The following SLC36A1 variants were observed in gnomAD, a reference collection of about 807,000 sequenced individuals.
SLC36A1 encodes solute carrier family 36 member 1, also known as proton-coupled amino acid transporter 1.
SLC36A1 carries 30 observed loss-of-function variants against 47.5 expected under a neutral mutation model. The observed-to-expected ratio is 0.63, with a 90% CI of 0.47 to 0.86. SLC36A1 has a LOEUF of 0.86. Ranked by LOEUF, SLC36A1 falls within the 40% of genes least tolerant of loss-of-function variation. The probability of loss-of-function intolerance (pLI) is 0.00; values close to 1 mark genes in which losing one functional copy is unlikely to be tolerated. For missense variants in SLC36A1, 517 were observed against 606.0 expected (o/e 0.85, Z 1.54); for synonymous variants, 255 against 249.7 (o/e 1.02, Z -0.20).
chr5:151,449,356 G>A (rs59566125), intron 1 of SLC36A1, among the ~76,000 whole-genome samples: 1 of 152,024 alleles, frequency 6.6e-6, no homozygotes, highest in South Asian at 2.1e-4. Flanking sequence ...ACATGTTTTC[G>A]TTAAAAATGT....
At chr5:151,487,203 T>C (rs1268177917) in intron 10 of SLC36A1, among the ~76,000 whole-genome samples, 3 of 152,180 alleles carry the variant, frequency 2.0e-5, no homozygotes, top group African/African-American at 7.2e-5. Context: ...GTGGGGTCAG[T>C]GGGCACTAGG....
At chr5:151,535,595 A>G in the SLC36A1 span, among the ~76,000 whole-genome samples, 2 of 152,188 alleles carry the variant, frequency 1.3e-5, no homozygotes, top group African/African-American at 2.4e-5. Context: ...TTTATAATAA[A>G]CCAGTAAACA....
At chr5:151,370,420 T>G in the SLC36A1 span, among the ~76,000 whole-genome samples, 58 of 151,054 alleles carry the variant, frequency 3.8e-4, no homozygotes, top group East Asian at 0.01. Flanking sequence ...TTTTTTTTTT[T>G]GTTAGGCTCC....
the SLC36A1 span, chr5:151,504,169 TCACA>T: frequency 6.6e-6 from 1 of 152,242 alleles, no homozygotes; most frequent in Non-Finnish European, 1.5e-5. Context: ...ACACTCACAG[TCACA>T]CACACAGCCA....
chr5:151,510,194 G>A, the SLC36A1 span: 4 of 1,613,454 alleles, frequency 2.5e-6, no homozygotes, highest in African/African-American at 4.0e-5. Context: ...AAAGAAGGGA[G>A]GTGAGAGACC....
At chr5:151,410,548 C>A in the SLC36A1 span, among the ~76,000 whole-genome samples, 5 of 143,550 alleles carry the variant, frequency 3.5e-5, 1 homozygote, top group Admixed American at 2.1e-4. Context: ...CATGATATAT[C>A]ATTAAGCATG....
chr5:151,505,777 G>A, the SLC36A1 span: 1 of 1,614,086 alleles, frequency 6.2e-7, no homozygotes, highest in Non-Finnish European at 8.5e-7. Flanking sequence ...TGCCGGAACT[G>A]CGAGTGGTAG....
At chr5:151,511,477 G>A in the SLC36A1 span, 6 of 152,248 alleles carry the variant, frequency 3.9e-5, no homozygotes, top group Non-Finnish European at 7.3e-5. Context: ...CCTGGGTGTC[G>A]GGTGTGTGTG....
At chr5:151,505,179 G>A in the SLC36A1 span, 2 of 301,210 alleles carry the variant, frequency 6.6e-6, no homozygotes, top group Non-Finnish European at 1.3e-5. Context: ...GGAGCTGTGG[G>A]CAGGTATGAG....
chr5:151,516,570 T>C, the SLC36A1 span, among the ~76,000 whole-genome samples: 3 of 152,142 alleles, frequency 2.0e-5, no homozygotes, highest in Admixed American at 6.6e-5. Context: ...CCCCTCCATT[T>C]TTTCCTTTTT....
At chr5:151,494,894 G>A (rs1199079202), downstream of SLC36A1, among the ~76,000 whole-genome samples, 3 of 151,940 alleles carry the variant, frequency 2.0e-5, no homozygotes, top group African/African-American at 7.3e-5. Flanking sequence ...CGCAAGTTTT[G>A]GGCTCAAATA....
chr5:151,462,521 C>T (rs948099477), intron 2 of SLC36A1, among the ~76,000 whole-genome samples: 3 of 151,864 alleles, frequency 2.0e-5, no homozygotes, highest in South Asian at 2.1e-4. Context: ...CCTGCCACCA[C>T]GCCCAGCTAA....
rs902583062 is a variant in SLC36A1, at chr5:151,461,626, G to A, written c.144-1927G>A. ...TAAGATGTTATCTGCTTTTTCACTT[G>A]TGGATATTTGCACTTATAATGTAGA... On this transcript the variant is annotated intron_variant, in intron 2 of 10. Coordinates refer to ENST00000243389, the MANE Select transcript of SLC36A1 (RefSeq NM_078483.4). Among the ~76,000 whole-genome samples, 3 of 152,178 alleles carry A rather than the reference G, an allele frequency of 2.0e-5. No individual in the cohort carries two copies. In the East Asian group the frequency reaches 5.8e-4, roughly 29 times the overall value.
At chr5:151,417,326 T>C in the SLC36A1 span, among the ~76,000 whole-genome samples, 8 of 152,118 alleles carry the variant, frequency 5.3e-5, no homozygotes, top group Non-Finnish European at 1.0e-4. Flanking sequence ...ATACTGACAG[T>C]GATGTGGACG....
At chr5:151,551,407 C>G in the SLC36A1 span, 1 of 1,582,380 alleles carries the variant, frequency 6.3e-7, no homozygotes, top group Non-Finnish European at 8.6e-7. Flanking sequence ...TAGCCTCATC[C>G]CAACCAAGAA....
At chr5:151,542,848 G>A in the SLC36A1 span, 1 of 1,614,164 alleles carries the variant, frequency 6.2e-7, no homozygotes, top group Non-Finnish European at 8.5e-7. Flanking sequence ...GTACAATTTG[G>A]TGGATTCGTG....
chr5:151,534,996 T>C, the SLC36A1 span, among the ~76,000 whole-genome samples: 1 of 143,556 alleles, frequency 7.0e-6, no homozygotes, highest in Non-Finnish European at 1.5e-5. Flanking sequence ...TATATATATA[T>C]GTATACATTT....
At chr5:151,543,831 T>C in the SLC36A1 span, 1 of 1,603,204 alleles carries the variant, frequency 6.2e-7, no homozygotes. Context: ...TTATTCCCGA[T>C]GAGCTGTTAA....
At chr5:151,435,568 GA>G (rs1759723201), upstream of SLC36A1, among the ~76,000 whole-genome samples, 1 of 152,158 alleles carries the variant, frequency 6.6e-6, no homozygotes, top group Non-Finnish European at 1.5e-5. Context: ...AGTGAATAGA[GA>G]TTTTTTTAAG....
Sources: gnomAD v4.1 joint callset for allele counts (sites outside exome capture counted in the v4.1 genomes callset) on GRCh38, gnomAD v4.1.1 for gene constraint, MANE v1.5 for transcripts, NCBI Gene and HGNC (gene_info 2026-07-23, HGNC 2026-07-21) for gene names.